LDLRAD4: variants seen among roughly 807,000 people sequenced by gnomAD.
The protein encoded by LDLRAD4 is low-density lipoprotein receptor class A domain-containing protein 4.
Under a neutral mutation model 17.0 loss-of-function variants are expected in LDLRAD4, and 5 were observed. The ratio of observed to expected loss-of-function variants is 0.29; its 90% CI spans 0.15 to 0.62. The LOEUF is 0.62. Among genes scored for constraint, LDLRAD4 ranks in the 20% least tolerant of loss-of-function variants. The pLI is 0.84. For missense variants in LDLRAD4, 340 were observed against 424.7 expected (o/e 0.80, Z 1.75); for synonymous variants, 168 against 171.8 (o/e 0.98, Z 0.17).
chr18:13,222,078 C>A (rs144800296), intron 1 of LDLRAD4, among the ~76,000 whole-genome samples: 2 of 152,160 alleles, frequency 1.3e-5, no homozygotes, highest in Admixed American at 1.3e-4. Context: ...CATGAGCAGA[C>A]GGGGGTGGGG....
At position 13,637,746 on chromosome 18, in the gene LDLRAD4, G is replaced by A. The variant is rs564470551; in HGVS notation, c.337-5613G>A. Among the ~76,000 whole-genome samples, 101 of 151,722 alleles carry A rather than the reference G, an allele frequency of 6.7e-4. No homozygotes were observed. In the East Asian group the frequency reaches 8.0e-3, roughly 12 times the overall value. ...CCAGGCATGGTGGCACATGCCTGTA[G>A]TCCCAGCTACTCAGGAGGCTGAGGC... On this transcript the variant is annotated intron_variant, in intron 4 of 5. Coordinates refer to ENST00000359446, the Ensembl canonical transcript of LDLRAD4.
chr18:13,510,329 C>A (rs983076098), intron 3 of LDLRAD4, among the ~76,000 whole-genome samples: 2 of 152,154 alleles, frequency 1.3e-5, no homozygotes, highest in African/African-American at 4.8e-5. Context: ...AGCTTGGAGA[C>A]TTTCTGCATG....
intron 2 of LDLRAD4, among the ~76,000 whole-genome samples, chr18:13,411,935 T>C (rs1455959548): frequency 1.3e-5 from 2 of 152,152 alleles, no homozygotes; most frequent in Non-Finnish European, 2.9e-5. Flanking sequence ...CTTGACCTCC[T>C]GGGCTCAAGC....
intron 3 of LDLRAD4, among the ~76,000 whole-genome samples, chr18:13,439,336 G>T (rs1156294419): frequency 6.6e-6 from 1 of 152,066 alleles, no homozygotes; most frequent in East Asian, 1.9e-4. Context: ...TTATATGGGG[G>T]GCAAGTTACG....
chr18:13,230,794 C>T (rs1020479580), intron 1 of LDLRAD4, among the ~76,000 whole-genome samples: 7 of 152,308 alleles, frequency 4.6e-5, no homozygotes, highest in African/African-American at 1.7e-4. Flanking sequence ...AATCCACAGA[C>T]CATATCTTGC....
intron 3 of LDLRAD4, among the ~76,000 whole-genome samples, chr18:13,528,995 A>G (rs914611446): frequency 2.6e-5 from 4 of 152,206 alleles, no homozygotes; most frequent in African/African-American, 9.7e-5. Flanking sequence ...CTAGCTTCCC[A>G]ATGCTTTGGA....
At chr18:13,535,795 G>C (rs1157283201) in intron 3 of LDLRAD4, among the ~76,000 whole-genome samples, 1 of 152,082 alleles carries the variant, frequency 6.6e-6, no homozygotes, top group Non-Finnish European at 1.5e-5. Flanking sequence ...CAGCTTTTAT[G>C]TTTAGTTCTA....
intron 1 of LDLRAD4, among the ~76,000 whole-genome samples, chr18:13,358,082 A>C (rs971812205): frequency 1.3e-5 from 2 of 151,764 alleles, no homozygotes; most frequent in African/African-American, 2.4e-5. Flanking sequence ...CCCAATCCAC[A>C]CTCATCTTGT....
At chr18:13,634,582 G>C (rs1738731422) in intron 4 of LDLRAD4, among the ~76,000 whole-genome samples, 1 of 152,224 alleles carries the variant, frequency 6.6e-6, no homozygotes, top group Admixed American at 6.5e-5. Flanking sequence ...CAAATAAATG[G>C]AAAGATATCT....
At chr18:13,269,895 A>G (rs1163123182) in intron 1 of LDLRAD4, among the ~76,000 whole-genome samples, 1 of 152,200 alleles carries the variant, frequency 6.6e-6, no homozygotes, top group African/African-American at 2.4e-5. Context: ...CATCCATGTT[A>G]ACATGCTTAT....
intron 2 of LDLRAD4, among the ~76,000 whole-genome samples, chr18:13,417,638 G>T (rs2089037555): frequency 6.6e-6 from 1 of 152,108 alleles, no homozygotes; most frequent in Non-Finnish European, 1.5e-5. Context: ...GTTTCACCGT[G>T]TTAGCCAGGA....
chr18:13,224,478 T>TC (rs1398066562), intron 1 of LDLRAD4, among the ~76,000 whole-genome samples: 9 of 130,876 alleles, frequency 6.9e-5, no homozygotes, highest in Non-Finnish European at 1.5e-4. Context: ...TTCTTTCTTT[T>TC]TTTTTTTTTT....
intron 1 of LDLRAD4, among the ~76,000 whole-genome samples, chr18:13,248,024 G>A (rs146050057): frequency 0.014 from 1,960 of 143,970 alleles, 23 homozygotes; most frequent in Non-Finnish European, 0.021. Flanking sequence ...ACAATGGCAC[G>A]ATCTTGGCTC....
intron 3 of LDLRAD4, chr18:13,488,718 C>A (rs964947383): frequency 6.6e-6 from 1 of 152,316 alleles, no homozygotes; most frequent in Non-Finnish European, 1.5e-5. Context: ...TGCACGCTCA[C>A]GTGGGGCACA....
At chr18:13,287,952 G>A (rs1463990048) in intron 1 of LDLRAD4, among the ~76,000 whole-genome samples, 1 of 152,192 alleles carries the variant, frequency 6.6e-6, no homozygotes, top group Non-Finnish European at 1.5e-5. Flanking sequence ...AGTAATTTGG[G>A]TGTTTAGGTA....
chr18:13,271,742 A>T (rs887622323), intron 1 of LDLRAD4, among the ~76,000 whole-genome samples: 1 of 152,144 alleles, frequency 6.6e-6, no homozygotes, highest in Non-Finnish European at 1.5e-5. Flanking sequence ...CACTTGAGCC[A>T]AGAGAGTGTT....
At chr18:13,557,731 T>C (rs2094499031) in intron 3 of LDLRAD4, among the ~76,000 whole-genome samples, 1 of 152,186 alleles carries the variant, frequency 6.6e-6, no homozygotes, top group Non-Finnish European at 1.5e-5. Context: ...AGACGAGAAA[T>C]TGTTAAGAAG....
In LDLRAD4 at chr18:13,621,401, G is replaced by C. The variant is rs1309823016; in HGVS notation, c.336+130G>C. 1.5e-6 allele frequency: 1 copy of C among 676,042 alleles called. No homozygotes were observed. The highest frequency in any genetic ancestry group is 1.8e-5 in the African/African-American group (1 of 56,132). The allele number at this position is 676,042 out of a possible 1,614,324, so 41.9% of individuals were successfully genotyped here. ...ACGGGGCGAAGCGCACCTCGTAAGT[G>C]TTCCACTTAGTGAGTCCCCACAAAC... On this transcript the variant is annotated intron_variant, in intron 4 of 5. Transcript: ENST00000359446. This position sits in a 1 kb window ranked among gnomAD's most constrained non-coding sequence, Gnocchi z 5.5.
intron 1 of LDLRAD4, among the ~76,000 whole-genome samples, chr18:13,254,287 G>T (rs1185573759): frequency 1.3e-5 from 2 of 152,246 alleles, no homozygotes; most frequent in African/African-American, 4.8e-5. Flanking sequence ...AGGGGCCCCA[G>T]GTGGACTCAG....
Sources: gnomAD v4.1 joint callset for allele counts (sites outside exome capture counted in the v4.1 genomes callset) on GRCh38, gnomAD v4.1.1 for gene constraint, Gnocchi (gnomAD v3.1) non-coding constraint, MANE v1.5 for transcripts, NCBI Gene and HGNC (gene_info 2026-07-23, HGNC 2026-07-21) for gene names.